SYCP2: variants seen among roughly 807,000 people sequenced by gnomAD.
SYCP2 encodes synaptonemal complex lateral element protein.
Under a neutral mutation model 211.3 loss-of-function variants are expected in SYCP2, and 55 were observed. The ratio of observed to expected loss-of-function variants is 0.26; its 90% CI spans 0.21 to 0.33. SYCP2 has a LOEUF of 0.33. Among genes scored for constraint, SYCP2 ranks in the 10% least tolerant of loss-of-function variants. SYCP2 has a pLI of 1.00. For missense variants in SYCP2, 1,731 were observed against 1,752.0 expected, an observed-to-expected ratio of 0.99 and a Z score of 0.21; for synonymous variants, 570 against 555.2, an observed-to-expected ratio of 1.03 and a Z score of -0.37.
intron 3 of SYCP2, among the ~76,000 whole-genome samples, chr20:59,921,739 T>G (rs938193250): frequency 2.6e-5 from 4 of 151,198 alleles, no homozygotes; most frequent in African/African-American, 9.7e-5. Flanking sequence ...AGAAACTTGA[T>G]GAAAAAAGCA....
chr20:59,912,962 G>C (rs970033736), intron 12 of SYCP2, among the ~76,000 whole-genome samples: 7 of 152,294 alleles, frequency 4.6e-5, no homozygotes, highest in African/African-American at 1.4e-4. Flanking sequence ...CCAGCCACAT[G>C]GAACTTTAAG....
chr20:59,887,894 T>C (rs1347271213), intron 24 of SYCP2, among the ~76,000 whole-genome samples: 1 of 151,940 alleles, frequency 6.6e-6, no homozygotes, highest in Non-Finnish European at 1.5e-5. Flanking sequence ...ATATTATGAA[T>C]TCCATGCCCG....
chr20:59,877,615 A>C, intron 32 of SYCP2, 60 bp from the exon 33 acceptor site: 1 of 1,442,316 alleles, frequency 6.9e-7, no homozygotes. Flanking sequence ...AATACAAGCA[A>C]TTTGCTATAA....
intron 24 of SYCP2, among the ~76,000 whole-genome samples, chr20:59,891,543 C>T (rs2059904907): frequency 6.6e-6 from 1 of 151,720 alleles, no homozygotes; most frequent in South Asian, 2.1e-4. Context: ...ATGCATTCAT[C>T]CAAAAAATGT....
In SYCP2 at chr20:59,864,058, AAGT is replaced by A. The variant is rs1181662128; in HGVS notation, c.*250_*252del. The A allele has an allele frequency of 7.7e-6, 2 of 261,294 alleles. No homozygotes were observed. Among genetic ancestry groups the A allele is most frequent in the African/African-American group, 4.4e-5 (2 of 45,210 alleles). 16.2% of individuals were successfully genotyped at this position (261,294 alleles called of 1,614,324 possible). On this transcript the variant is annotated 3_prime_UTR_variant, in exon 45 of 45. Coordinates refer to ENST00000357552, the MANE Select transcript of SYCP2 (RefSeq NM_014258.4). ...ATTTTATGAGTATAATTAACTCAAA[AAGT>A]TTCTTAAAGCTTTTATCTCCAAAAT...
chr20:59,872,598 C>A (rs2059474636), intron 35 of SYCP2, among the ~76,000 whole-genome samples: 1 of 151,864 alleles, frequency 6.6e-6, no homozygotes, highest in Non-Finnish European at 1.5e-5. Flanking sequence ...GTATATATAG[C>A]ATTCAGTGCT....
At chr20:59,901,631 T>C (rs1256464480) in intron 16 of SYCP2, 31 bp downstream of exon 16, 7 of 1,258,838 alleles carry the variant, frequency 5.6e-6, no homozygotes, top group East Asian at 2.4e-5. Context: ...ATTATGAAAA[T>C]AGTAAATATT....
chr20:59,927,118 C>T (rs1477715357), intron 2 of SYCP2, among the ~76,000 whole-genome samples: 1 of 152,116 alleles, frequency 6.6e-6, no homozygotes, highest in African/African-American at 2.4e-5. Context: ...TCTGACTGCA[C>T]TTGAACGTAA....
chr20:59,881,367 CTA>C (rs1237379960), intron 29 of SYCP2, 68 bp downstream of exon 29: 4 of 822,176 alleles, frequency 4.9e-6, no homozygotes, highest in Middle Eastern at 3.3e-4. Flanking sequence ...TTAAAAAACT[CTA>C]AGACTGGGAG....
In SYCP2 at chr20:59,869,871, T is replaced by C. The variant is rs763188686; in HGVS notation, c.3668A>G (p.Tyr1223Cys). 42 of 1,608,174 alleles carry C rather than the reference T, an allele frequency of 2.6e-5. No homozygotes were observed. The highest frequency in any genetic ancestry group is 6.8e-6 in the Non-Finnish European group (8 of 1,175,864). The change falls in exon 36 of 45, where the codon TAT (tyrosine) becomes TGT (cysteine). Residue 1223 changes from tyrosine (Y) to cysteine (C), a missense_variant. This residue lies in a region of SYCP2 where 1,387 missense variants were observed against 1,351.3 expected (regional missense o/e 1.03). Transcript: ENST00000357552. ...NSNSYSDVSS[Y>C]SSEERFMEIE... ...TTCCATAAACCGTTCTTCTGAACTA[T>C]AACTGCTTACATCTGAATAGCTGTT... is the stretch of plus-strand genomic sequence containing the variant.
At chr20:59,908,503 C>G (rs908908150) in intron 14 of SYCP2, among the ~76,000 whole-genome samples, 1 of 152,108 alleles carries the variant, frequency 6.6e-6, no homozygotes, top group African/African-American at 2.4e-5. Context: ...CCTCCTATTT[C>G]TGTGTGTAAA....
intron 12 of SYCP2, among the ~76,000 whole-genome samples, 175 bp from the exon 13 acceptor site, chr20:59,912,593 A>G (rs1221843792): frequency 1.3e-5 from 2 of 152,204 alleles, no homozygotes; most frequent in Non-Finnish European, 2.9e-5. Context: ...GTGGACATTT[A>G]TGTAGAGAAA....
intron 5 of SYCP2, 21 bp from the exon 6 acceptor site, chr20:59,919,618 A>G (rs775894117): frequency 1.4e-6 from 2 of 1,420,444 alleles, no homozygotes; most frequent in South Asian, 2.4e-5. Context: ...GAATGAACTT[A>G]TTAGAGTTCC....
chr20:59,914,596 T>C (rs1295649893), intron 10 of SYCP2, among the ~76,000 whole-genome samples: 1 of 152,074 alleles, frequency 6.6e-6, no homozygotes, highest in African/African-American at 2.4e-5. Flanking sequence ...TTTCCTCTTG[T>C]GTAACATGTT....
Position 59,892,035 on chromosome 20 carries a change from T to C in SYCP2, c.2319A>G (p.Glu773=). 1 of 1,606,344 alleles carries C rather than the reference T, an allele frequency of 6.2e-7. No individual in the cohort carries two copies. Among genetic ancestry groups the C allele is most frequent in the Non-Finnish European group, 8.5e-7 (1 of 1,177,388 alleles). The part of the protein sequence containing the change: ...NVQSHRKAEK[E]LTSELNSWDS... ...CCCAGGAATTAAGCTCAGAAGTCAA[T>C]TCTTTCTCTGCTTTTCTATGACTTT... The change falls in exon 24 of 45, where the codon GAA becomes GAG. Residue 773 remains glutamate (E), a synonymous_variant. Coordinates refer to ENST00000357552, the MANE Select transcript of SYCP2 (RefSeq NM_014258.4).
chr20:59,863,616 A>C lies in SYCP2; in HGVS notation c.*695T>G, dbSNP rs1203347326. On this transcript the variant is annotated 3_prime_UTR_variant, in exon 45 of 45. Transcript: ENST00000357552. ...ATAAGCATTTATTTCAACTTCATTA[A>C]AAGCAAATCAAATGTATACTCATTT... 1 of 152,006 alleles carries C rather than the reference A, an allele frequency of 6.6e-6. No homozygotes were observed. The highest frequency in any genetic ancestry group is 6.6e-5 in the Admixed American group (1 of 15,248). 9.4% of individuals were successfully genotyped at this position (152,006 alleles called of 1,614,324 possible).
chr20:59,870,443 C>T (rs958870053), intron 35 of SYCP2, among the ~76,000 whole-genome samples: 9 of 151,194 alleles, frequency 6.0e-5, no homozygotes, highest in Non-Finnish European at 1.2e-4. Flanking sequence ...TAAAAAAAGT[C>T]TTTTTTTTAA....
chr20:59,868,603 A>C, intron 37 of SYCP2, 35 bp from the exon 38 acceptor site: 1 of 1,538,472 alleles, frequency 6.5e-7, no homozygotes, highest in South Asian at 1.3e-5. Flanking sequence ...AAAGCGCTGC[A>C]ATTTTCATTA....
intron 33 of SYCP2, among the ~76,000 whole-genome samples, chr20:59,876,810 ATAT>A (rs1467139938): frequency 2.0e-5 from 3 of 152,178 alleles, no homozygotes; most frequent in Non-Finnish European, 2.9e-5. Flanking sequence ...ATAAGTATAT[ATAT>A]TTTTCCCATA....
Sources: gnomAD v4.1 joint callset for allele counts (sites outside exome capture counted in the v4.1 genomes callset) on GRCh38, gnomAD v4.1.1 for gene constraint, gnomAD v4.1.1 regional missense constraint, MANE v1.5 for transcripts, NCBI Gene and HGNC (gene_info 2026-07-23, HGNC 2026-07-21) for gene names.